The following NIBAN1 variants were observed in gnomAD, a reference collection of about 807,000 sequenced individuals.
The protein encoded by NIBAN1 is niban apoptosis regulator 1.
Under a neutral mutation model 75.1 loss-of-function variants are expected in NIBAN1, and 81 were observed. That is an observed-to-expected ratio of 1.08 (90% CI 0.90 to 1.30). NIBAN1 has a LOEUF of 1.30. Among genes scored for constraint, NIBAN1 ranks in the 50% most tolerant of loss-of-function variants. The pLI, the probability that NIBAN1 is intolerant of heterozygous loss-of-function variation, is 0.00. For missense variants in NIBAN1, 1,133 were observed against 1,128.1 expected (o/e 1.00, Z -0.06); for synonymous variants, 436 against 424.8 (o/e 1.03, Z -0.32).
At chr1:184,933,704 C>G (rs1231621532) in intron 1 of NIBAN1, among the ~76,000 whole-genome samples, 1 of 152,216 alleles carries the variant, frequency 6.6e-6, no homozygotes, top group African/African-American at 2.4e-5. Flanking sequence ...GCAGCACCCA[C>G]TTCATCTTAT....
At chr1:184,925,441 G>A (rs1657658129) in intron 1 of NIBAN1, among the ~76,000 whole-genome samples, 1 of 151,996 alleles carries the variant, frequency 6.6e-6, no homozygotes, top group Admixed American at 6.5e-5. Context: ...GCTTACTCCT[G>A]CTATTTTGTT....
At chr1:184,860,913 C>T (rs528626834) in intron 5 of NIBAN1, among the ~76,000 whole-genome samples, 1 of 152,342 alleles carries the variant, frequency 6.6e-6, no homozygotes, top group Non-Finnish European at 1.5e-5. Context: ...CACATTATCA[C>T]ACCCAAGTAA....
intron 1 of NIBAN1, among the ~76,000 whole-genome samples, chr1:184,925,293 G>A (rs2102024003): frequency 6.6e-6 from 1 of 152,072 alleles, no homozygotes; most frequent in East Asian, 1.9e-4. Context: ...TTCAGCCTAT[G>A]TGTGTCATTA....
chr1:184,823,323 C>T lies in NIBAN1; in HGVS notation c.829G>A (p.Glu277Lys), dbSNP rs746584140. 27 of 1,613,858 alleles carry T rather than the reference C, an allele frequency of 1.7e-5. No individual in the cohort carries two copies. The highest frequency in any genetic ancestry group is 1.0e-4 in the Admixed American group (6 of 59,970). The change falls in exon 8 of 14, where the codon GAG becomes AAG. Residue 277 changes from glutamate to lysine, a missense_variant. Coordinates refer to ENST00000367511, the MANE Select transcript of NIBAN1 (RefSeq NM_052966.4). Reference protein sequence around the residue: ...DRKRTWLGLLEEAYTLVQHQV... With the variant: ...DRKRTWLGLLKEAYTLVQHQV... The stretch of plus-strand genomic sequence containing the variant: ...TGCTGAACCAGGGTGTAGGCCTCCT[C>T]GAGGAGCTGCAACAAGGAATAACAC...
intron 1 of NIBAN1, among the ~76,000 whole-genome samples, chr1:184,935,243 C>T (rs765689457): frequency 4.5e-4 from 69 of 151,790 alleles, no homozygotes; most frequent in Admixed American, 3.3e-4. Context: ...GGCTGGGAAT[C>T]GTGGTTCACC....
intron 1 of NIBAN1, among the ~76,000 whole-genome samples, chr1:184,930,994 C>CTTCTTTT (rs528490787): frequency 1.7e-5 from 1 of 57,304 alleles, no homozygotes; most frequent in African/African-American, 6.9e-5. Flanking sequence ...ACTTTTTCTT[C>CTTCTTTT]TTCTTTTTTT....
At chr1:184,921,930 A>C (rs1302730920) in intron 1 of NIBAN1, among the ~76,000 whole-genome samples, 1 of 152,204 alleles carries the variant, frequency 6.6e-6, no homozygotes, top group African/African-American at 2.4e-5. Context: ...ATTGGGGCTT[A>C]TCTGTTTCTC....
At position 184,823,241 on chromosome 1, in the gene NIBAN1, C is replaced by T. The variant is rs745867380; in HGVS notation, c.911G>A (p.Gly304Asp). Reference protein sequence around the residue: ...LKEECRALTKGLEGTIRSDMD... With the variant: ...LKEECRALTKDLEGTIRSDMD... ...GTCAGAACGGATCGTTCCTTCCAGG[C>T]CCTTTGTCAGAGCTCTGCATTCCTC... The change falls in exon 8 of 14, where the codon GGC becomes GAC. Residue 304 changes from glycine (G) to aspartate (D), a missense_variant. By Grantham distance (94) the Gly-to-Asp change is moderately conservative. Coordinates refer to ENST00000367511, the MANE Select transcript of NIBAN1 (RefSeq NM_052966.4). The T allele has an allele frequency of 6.2e-7, 1 of 1,614,104 alleles. No individual in the cohort carries two copies. The highest frequency in any genetic ancestry group is 8.5e-7 in the Non-Finnish European group (1 of 1,180,046).
intron 5 of NIBAN1, among the ~76,000 whole-genome samples, chr1:184,877,021 T>A (rs908215690): frequency 6.6e-6 from 1 of 152,172 alleles, no homozygotes; most frequent in African/African-American, 2.4e-5. Context: ...CAAAACTAAA[T>A]ACCTTTAAAC....
intron 5 of NIBAN1, among the ~76,000 whole-genome samples, chr1:184,853,308 A>T (rs562526744): frequency 6.6e-6 from 1 of 152,322 alleles, no homozygotes; most frequent in Non-Finnish European, 1.5e-5. Context: ...CTTTCATAAA[A>T]TGCTTCAGAA....
At chr1:184,971,296 A>G (rs948007980) in intron 1 of NIBAN1, among the ~76,000 whole-genome samples, 12 of 152,092 alleles carry the variant, frequency 7.9e-5, no homozygotes, top group African/African-American at 2.4e-4. Context: ...AAAAAAGAAA[A>G]GAAAAGAAAA....
chr1:184,921,153 C>T (rs946432209), intron 1 of NIBAN1, among the ~76,000 whole-genome samples: 5 of 149,970 alleles, frequency 3.3e-5, no homozygotes, highest in African/African-American at 4.9e-5. Context: ...AAAAATTAGC[C>T]GGGCGTGGTG....
rs1658842279 is a variant in NIBAN1, at chr1:184,967,965, AGGCCGAGGCGGG to A, written c.55+6325_55+6336del. On this transcript the variant is annotated intron_variant, in intron 1 of 13. Transcript: ENST00000367511. The stretch of plus-strand genomic sequence containing the variant: ...ACGCCTGTAATCCCAGCACTTTGGG[AGGCCGAGGCGGG>A]TGGATCATGAGGTCAGGAGATCGAG... Among the ~76,000 whole-genome samples, 2 of 9,360 alleles carry A rather than the reference AGGCCGAGGCGGG, an allele frequency of 2.1e-4. 1 individual carries two copies. The highest frequency in any genetic ancestry group is 9.4e-4 in the Non-Finnish European group (2 of 2,124). 6.1% of individuals were successfully genotyped at this position (9,360 alleles called of 152,430 possible).
chr1:184,799,359 A>G lies in NIBAN1; in HGVS notation c.1555-1169T>C, dbSNP rs369329608. On this transcript the variant is annotated intron_variant, in intron 12 of 13. Transcript: ENST00000367511. ...TTTCCAATTTCATCCATGTCCCTAC[A>G]AAGGACATGAACTCATCATTTTTTA... Among the ~76,000 whole-genome samples the G allele has an allele frequency of 4.0e-4, 59 of 148,738 alleles. No homozygotes were observed. The East Asian group carries it at 8.5e-3, about 21-fold the overall frequency.
At chr1:184,884,034 A>G (rs1266736171) in intron 5 of NIBAN1, among the ~76,000 whole-genome samples, 1 of 152,148 alleles carries the variant, frequency 6.6e-6, no homozygotes, top group African/African-American at 2.4e-5. Context: ...CTACATGAAT[A>G]AACTCAGGAC....
intron 1 of NIBAN1, among the ~76,000 whole-genome samples, chr1:184,909,489 T>C (rs183899732): frequency 6.6e-6 from 1 of 152,250 alleles, no homozygotes; most frequent in Admixed American, 6.5e-5. Flanking sequence ...TGGGGATATG[T>C]GTAACAGTAA....
intron 3 of NIBAN1, among the ~76,000 whole-genome samples, chr1:184,893,117 A>G (rs1325153535): frequency 6.6e-6 from 1 of 152,114 alleles, no homozygotes; most frequent in African/African-American, 2.4e-5. Context: ...AGAGTTTTAA[A>G]TCTGTTACTG....
intron 5 of NIBAN1, among the ~76,000 whole-genome samples, chr1:184,857,304 CCTT>C (rs1655705296): frequency 6.6e-6 from 1 of 152,158 alleles, no homozygotes; most frequent in African/African-American, 2.4e-5. Flanking sequence ...CAGTGACCTT[CCTT>C]CTTCTCCTTT....
Position 184,795,904 on chromosome 1 carries a change from C to A in NIBAN1, c.1860G>T (p.Gln620His). Residue 620 changes from glutamine to histidine, a missense_variant, in exon 14 of 14, where the codon CAG becomes CAT. Gln to His is a conservative substitution (Grantham distance 24). Coordinates refer to ENST00000367511, the MANE Select transcript of NIBAN1 (RefSeq NM_052966.4). ...CAGGCTGCTTCTCTTCCTCTGACTC[C>A]TGGAATACTTCGTTACTGAGGGTCT... Reference protein sequence around the residue: ...GSETLSNEVFQESEEEKQPEV... With the variant: ...GSETLSNEVFHESEEEKQPEV... 6.2e-7 allele frequency: 1 copy of A among 1,614,042 alleles called. No individual in the cohort carries two copies. Among genetic ancestry groups the A allele is most frequent in the Non-Finnish European group, 8.5e-7 (1 of 1,179,980 alleles).
Sources: allele counts gnomAD v4.1 joint callset (sites outside exome capture counted in the v4.1 genomes callset), GRCh38; gene constraint gnomAD v4.1.1; transcripts MANE v1.5; gene names NCBI Gene and HGNC (gene_info 2026-07-23, HGNC 2026-07-21).